Variants in ERBIN observed in about 807,000 individuals in gnomAD.
ERBIN encodes the protein densin-180-like protein.
Under a neutral mutation model 158.4 loss-of-function variants are expected in ERBIN, and 60 were observed. The ratio of observed to expected loss-of-function variants is 0.38; its 90% CI spans 0.31 to 0.47. The LOEUF is 0.47. ERBIN is among the 20% of genes least tolerant of loss of function. ERBIN has a pLI of 0.99. For synonymous variants in ERBIN, 594 were observed against 557.2 expected, an observed-to-expected ratio of 1.07 and a Z score of -0.93; for missense variants, 1,610 against 1,648.0, an observed-to-expected ratio of 0.98 and a Z score of 0.40.
chr5:66,054,872 A>G lies in ERBIN; in HGVS notation c.3554A>G (p.Asp1185Gly). The change falls in exon 21 of 26, where the codon GAT becomes GGT. Residue 1185 changes from aspartate (D) to glycine (G), a missense_variant. Around this residue, in one of 2 missense-constraint regions of ERBIN, gnomAD observed 1,014 missense variants for 936.1 expected, o/e 1.08. Coordinates refer to ENST00000284037, the MANE Select transcript of ERBIN (RefSeq NM_001253697.2). ...ARVGSEHSLL[D>G]PPGKSKVPRD... is the part of the protein sequence containing the mutation. ...GTTGGTTCTGAGCATTCTTTATTAG[A>G]TCCTCCAGGAAAAAGTAAAGTTCCT... 2 of 1,614,102 alleles carry G rather than the reference A, an allele frequency of 1.2e-6. No individual in the cohort carries two copies. The highest frequency in any genetic ancestry group is 2.2e-5 in the East Asian group (1 of 44,878).
At chr5:65,930,667 TTGAC>T (rs528635842) in intron 1 of ERBIN, among the ~76,000 whole-genome samples, 5 of 152,364 alleles carry the variant, frequency 3.3e-5, no homozygotes, top group Admixed American at 3.3e-4. Flanking sequence ...GTTCTTAAAA[TTGAC>T]TGTTAAGATA....
At chr5:65,983,803 CTG>C (rs1750913668) in intron 1 of ERBIN, among the ~76,000 whole-genome samples, 1 of 152,210 alleles carries the variant, frequency 6.6e-6, no homozygotes, top group South Asian at 2.1e-4. Flanking sequence ...CCCCAACTGT[CTG>C]TGGATCTGGA....
chr5:66,034,024 G>C (rs139585779), intron 14 of ERBIN, among the ~76,000 whole-genome samples: 11 of 151,394 alleles, frequency 7.3e-5, no homozygotes, highest in Admixed American at 2.0e-4. Context: ...CAGGAGAATT[G>C]ATTGAACCCA....
rs1040380242 is a variant in ERBIN at position 66,044,005 on chromosome 5, A to G, written c.1429-132A>G. On this transcript the variant is annotated intron_variant, in intron 16 of 25. Coordinates refer to ENST00000284037, the MANE Select transcript of ERBIN (RefSeq NM_001253697.2). Reference sequence around the variant, plus strand: ...CAAGCCTAAAATGCCTTCAAAGCCTATCATCTGTCTTCACAGTTATCCCTA... The same window carrying G: ...CAAGCCTAAAATGCCTTCAAAGCCTGTCATCTGTCTTCACAGTTATCCCTA... 20 of 521,428 alleles carry G rather than the reference A, an allele frequency of 3.8e-5. No homozygotes were observed. In the East Asian group the frequency reaches 6.7e-4, roughly 18 times the overall value. 32.3% of individuals were successfully genotyped at this position (521,428 alleles called of 1,614,324 possible). A position where few individuals can be genotyped will look rare whatever the true frequency, so the allele number is the denominator to read the frequency against.
At chr5:66,075,911 T>C (rs577595238) in intron 23 of ERBIN, among the ~76,000 whole-genome samples, 61 of 152,302 alleles carry the variant, frequency 4.0e-4, no homozygotes, top group African/African-American at 1.4e-3. Context: ...CTTTTAGATA[T>C]CTTATGTAAC....
Position 65,965,382 on chromosome 5 carries a change from G to GTT in ERBIN, c.-57-23213_-57-23212dup, listed in dbSNP as rs200847060. On this transcript the variant is annotated intron_variant, in intron 1 of 25. Transcript: ENST00000284037. ...GTTCTTACCAGATTTGTTTTTTGTT[G>GTT]TTTTTTTTTTTTTTTTTTTTTTTTT... Among the ~76,000 whole-genome samples, 20 of 96,044 alleles carry GTT rather than the reference G, an allele frequency of 2.1e-4. 1 individual carries two copies. The highest frequency in any genetic ancestry group is 7.1e-4 in the East Asian group (2 of 2,810). 63.0% of individuals were successfully genotyped at this position (96,044 alleles called of 152,430 possible).
At chr5:66,074,162 T>A (rs1761776405) in intron 22 of ERBIN, among the ~76,000 whole-genome samples, 1 of 151,262 alleles carries the variant, frequency 6.6e-6, no homozygotes, top group Admixed American at 6.6e-5. Flanking sequence ...AATGCTGGGA[T>A]TATAGGCATG....
chr5:65,937,937 G>A (rs1392970682), intron 1 of ERBIN, among the ~76,000 whole-genome samples: 4 of 152,000 alleles, frequency 2.6e-5, no homozygotes, highest in Admixed American at 2.6e-4. Flanking sequence ...ATTCTTGGTG[G>A]TATGTTGATT....
chr5:66,067,386 A>G (rs1047454987), intron 21 of ERBIN, among the ~76,000 whole-genome samples: 4 of 152,228 alleles, frequency 2.6e-5, no homozygotes, highest in African/African-American at 9.6e-5. Flanking sequence ...TTCTGTATTA[A>G]TAACAAGCCA....
At chr5:65,967,089 T>G (rs1172694416) in intron 1 of ERBIN, among the ~76,000 whole-genome samples, 1 of 151,548 alleles carries the variant, frequency 6.6e-6, no homozygotes, top group Non-Finnish European at 1.5e-5. Context: ...CTGGGTAACA[T>G]AGAGAGATCC....
At chr5:66,038,567 T>C in intron 15 of ERBIN, 85 bp downstream of exon 15, 3 of 1,021,482 alleles carry the variant, frequency 2.9e-6, no homozygotes, top group Non-Finnish European at 4.3e-6. Context: ...CAGAGACTTT[T>C]ACCAGTTTGA....
rs116229016 is a variant in ERBIN, at chr5:65,997,965, C to T, written c.307+3101C>T. 3.6e-3 allele frequency among the ~76,000 whole-genome samples: 555 copies of T among 152,100 alleles called. 1 individual carries two copies. Among genetic ancestry groups the T allele is most frequent in the Middle Eastern group, 0.017 (5 of 294 alleles). ...ACACACACAAAGTTATGTTGGCTCA[C>T]GCCTGTAATCTCAGCACTTTGGGAC... On this transcript the variant is annotated intron_variant, in intron 4 of 25. Coordinates refer to ENST00000284037, the MANE Select transcript of ERBIN (RefSeq NM_001253697.2).
At chr5:65,939,883 A>G (rs984371968) in intron 1 of ERBIN, among the ~76,000 whole-genome samples, 6 of 151,660 alleles carry the variant, frequency 4.0e-5, no homozygotes, top group South Asian at 2.1e-4. Context: ...CAGTGGCGTG[A>G]TCTCGGCTCG....
chr5:66,076,136 C>A, intron 23 of ERBIN, 180 bp from the exon 24 acceptor site: 1 of 576,698 alleles, frequency 1.7e-6, no homozygotes. Context: ...CTTTAACTCA[C>A]TAACTCATTA....
chr5:65,995,123 A>G (rs1444515511), intron 4 of ERBIN, among the ~76,000 whole-genome samples: 3 of 152,216 alleles, frequency 2.0e-5, no homozygotes, highest in African/African-American at 7.2e-5. Context: ...AAAATCTGTG[A>G]TAGCTTAAAG....
rs1761868040 is a variant in ERBIN, at chr5:66,075,135, C to G, written c.3868C>G (p.Leu1290Val). ...GGCAAGGCATCCCTCTAGAGAACAA[C>G]TAATTGATTACTTGATGCTGAAAGT... ...SVARHPSREQ[L>V]IDYLMLKVAH... The change falls in exon 23 of 26, where the codon CTA becomes GTA. Residue 1290 changes from leucine to valine, a missense_variant. Around this residue, in one of 2 missense-constraint regions of ERBIN, gnomAD observed 1,014 missense variants for 936.1 expected, o/e 1.08. Transcript: ENST00000284037. 6.2e-7 allele frequency: 1 copy of G among 1,614,020 alleles called. No homozygotes were observed. The highest frequency in any genetic ancestry group is 1.3e-5 in the African/African-American group (1 of 74,928).
At chr5:66,035,894 G>T (rs1757347517) in intron 14 of ERBIN, among the ~76,000 whole-genome samples, 1 of 152,096 alleles carries the variant, frequency 6.6e-6, no homozygotes, top group Non-Finnish European at 1.5e-5. Flanking sequence ...GGGAGTTTGA[G>T]ACCTGCCTGG....
At chr5:65,978,684 A>T (rs1376198311) in intron 1 of ERBIN, among the ~76,000 whole-genome samples, 2 of 152,238 alleles carry the variant, frequency 1.3e-5, no homozygotes, top group East Asian at 3.8e-4. Flanking sequence ...CTTGAATGAC[A>T]GTGTGGGCTT....
In ERBIN at chr5:66,053,815, C is replaced by T. The variant is rs973967195; in HGVS notation, c.2497C>T (p.Pro833Ser). Residue 833 changes from proline (P) to serine (S), a missense_variant, in exon 21 of 26, where the codon CCT becomes TCT. By Grantham distance (74) the Pro-to-Ser change is moderately conservative (BLOSUM62 -1). Coordinates refer to ENST00000284037, the MANE Select transcript of ERBIN (RefSeq NM_001253697.2). ...ACATTCTGAGGAAACTTCCCAGTCT[C>T]CTAATAGGACTGAACCACATGACAG... ...NGHSEETSQS[P>S]NRTEPHDSDC... is the part of the protein sequence containing the mutation. The T allele has an allele frequency of 6.2e-7, 1 of 1,613,978 alleles. No individual in the cohort carries two copies. The highest frequency in any genetic ancestry group is 1.1e-5 in the South Asian group (1 of 91,074).
Sources: allele counts gnomAD v4.1 joint callset (sites outside exome capture counted in the v4.1 genomes callset), GRCh38; gene constraint gnomAD v4.1.1; regional missense constraint gnomAD v4.1.1; transcripts MANE v1.5; gene names NCBI Gene and HGNC (gene_info 2026-07-23, HGNC 2026-07-21).